Variants in EFCAB5 observed in about 807,000 individuals in gnomAD.
EFCAB5 encodes EF-hand calcium binding domain 5.
In EFCAB5, 131 loss-of-function variants were observed where a neutral mutation model predicts 167.9. The ratio of observed to expected loss-of-function variants is 0.78; its 90% confidence interval spans 0.68 to 0.90. The LOEUF is 0.90. Ranked by LOEUF, EFCAB5 falls within the 40% of genes least tolerant of loss-of-function variation. The pLI, the probability that EFCAB5 is intolerant of heterozygous loss-of-function variation, is 0.00. For synonymous variants in EFCAB5, 574 were observed against 602.8 expected (o/e 0.95, Z 0.70); for missense variants, 1,663 against 1,745.2 (o/e 0.95, Z 0.84).
rs1567776941 is a variant in EFCAB5 at position 30,096,679 on chromosome 17, T to TATA, written c.4321+3743_4321+3744insATA. On this transcript the variant is annotated intron_variant, in intron 22 of 22. Transcript: ENST00000394835. ...TATATATATATATATATATATATAT[T>TATA]TTTTTTTTTTTTTTTTTTGAGATGG... is the stretch of plus-strand genomic sequence containing the variant. 2.1e-4 allele frequency among the ~76,000 whole-genome samples: 13 copies of TATA among 63,174 alleles called. No individual in the cohort carries two copies. The East Asian group carries it at 5.7e-3, about 28-fold the overall frequency. The allele number at this position is 63,174 out of a possible 152,430, so 41.4% of individuals were successfully genotyped here.
chr17:30,064,275 A>G (rs9891402), intron 14 of EFCAB5, among the ~76,000 whole-genome samples: 13,802 of 152,268 alleles, frequency 0.091, 1,393 homozygotes, highest in African/African-American at 0.25. Flanking sequence ...AAATCAGGAA[A>G]ACAAGTCCTC....
intron 10 of EFCAB5, among the ~76,000 whole-genome samples, chr17:30,055,289 C>T: frequency 7.2e-6 from 1 of 138,848 alleles, no homozygotes; most frequent in East Asian, 2.1e-4. Flanking sequence ...AAAGTGAGAC[C>T]CTATCAAGAA....
intron 3 of EFCAB5, among the ~76,000 whole-genome samples, chr17:29,962,384 A>C (rs918116935): frequency 6.6e-6 from 1 of 152,108 alleles, no homozygotes; most frequent in Non-Finnish European, 1.5e-5. Flanking sequence ...TTTTTAGCAT[A>C]TATCTTTCAC....
chr17:29,940,885 C>G (rs960642348), upstream of EFCAB5, among the ~76,000 whole-genome samples: 2 of 151,784 alleles, frequency 1.3e-5, no homozygotes, highest in Non-Finnish European at 2.9e-5. Flanking sequence ...ACTAAATGTA[C>G]AAAAATTAGC....
intron 7 of EFCAB5, 46 bp from the exon 8 acceptor site, chr17:30,034,184 G>A (rs1429618274): frequency 1.9e-6 from 3 of 1,588,766 alleles, no homozygotes; most frequent in African/African-American, 2.7e-5. Flanking sequence ...TCCAAGTAGA[G>A]CATGGTTTTA....
Position 29,973,658 on chromosome 17 carries a change from C to T in EFCAB5, c.767+4291C>T, listed in dbSNP as rs532025415. 6.6e-5 allele frequency among the ~76,000 whole-genome samples: 10 copies of T among 150,976 alleles called. No homozygotes were observed. In the East Asian group the frequency reaches 1.2e-3, roughly 18 times the overall value. ...ACACCCTGCTAATTTTTGTATTTTT[C>T]GTAGAGACAGGGTTTCACCATATTG... On this transcript the variant is annotated intron_variant, in intron 4 of 22. Coordinates refer to ENST00000394835, the MANE Select transcript of EFCAB5 (RefSeq NM_198529.4).
chr17:29,961,294 T>A (rs2067715005), intron 3 of EFCAB5, among the ~76,000 whole-genome samples: 1 of 152,190 alleles, frequency 6.6e-6, no homozygotes, highest in African/African-American at 2.4e-5. Flanking sequence ...CTTTGCCCAT[T>A]TTTGAATTAG....
At chr17:29,946,439 T>C (rs1366305357) in intron 3 of EFCAB5, among the ~76,000 whole-genome samples, 5 of 136,712 alleles carry the variant, frequency 3.7e-5, no homozygotes, top group Non-Finnish European at 6.3e-5. Flanking sequence ...CTTTTTTTTT[T>C]TTTTTTTTTT....
At chr17:30,063,722 A>T (rs550567406) in intron 14 of EFCAB5, among the ~76,000 whole-genome samples, 1 of 152,296 alleles carries the variant, frequency 6.6e-6, no homozygotes, top group African/African-American at 2.4e-5. Flanking sequence ...AGCTGCTTAT[A>T]GGCCATGTCA....
At chr17:30,090,209 C>A (rs2071167487) in intron 19 of EFCAB5, among the ~76,000 whole-genome samples, 1 of 152,190 alleles carries the variant, frequency 6.6e-6, no homozygotes, top group African/African-American at 2.4e-5. Flanking sequence ...GACGCCTTCT[C>A]TGCCGAGGGG....
chr17:29,959,773 A>C (rs927960378), intron 3 of EFCAB5, among the ~76,000 whole-genome samples: 4 of 152,082 alleles, frequency 2.6e-5, no homozygotes, highest in Non-Finnish European at 5.9e-5. Flanking sequence ...TGCCGAAGCT[A>C]CGAGCTGCAC....
intron 4 of EFCAB5, among the ~76,000 whole-genome samples, chr17:29,987,565 A>C (rs1331663854): frequency 6.6e-6 from 1 of 152,228 alleles, no homozygotes; most frequent in African/African-American, 2.4e-5. Context: ...GCAGGCTAAA[A>C]AAATTTACAG....
intron 9 of EFCAB5, among the ~76,000 whole-genome samples, chr17:30,052,565 T>C (rs770834885): frequency 6.6e-6 from 1 of 152,216 alleles, no homozygotes; most frequent in East Asian, 1.9e-4. Context: ...ATTGTGAGAA[T>C]TGCAATTTTA....
At position 29,943,602 on chromosome 17, in the gene EFCAB5, A is replaced by G. The variant is rs2151517133; in HGVS notation, c.143A>G (p.Asp48Gly). 3 of 1,586,734 alleles carry G rather than the reference A, an allele frequency of 1.9e-6. No individual in the cohort carries two copies. Among genetic ancestry groups the G allele is most frequent in the Non-Finnish European group, 2.6e-6 (3 of 1,165,932 alleles). ...GTGCCAGACGTTCCTGTAAAAGAGG[A>G]CACCAACAGTGTGGTGGAGAAAGCA... is the stretch of plus-strand genomic sequence containing the variant. ...QSVPDVPVKE[D>G]TNSVVEKAMD... The change falls in exon 3 of 23, where the codon GAC becomes GGC. Residue 48 changes from aspartate (D) to glycine (G), a missense_variant. By Grantham distance (94) the Asp-to-Gly change is moderately conservative. Coordinates refer to ENST00000394835, the MANE Select transcript of EFCAB5 (RefSeq NM_198529.4).
intron 5 of EFCAB5, 72 bp downstream of exon 5, chr17:29,993,393 G>C (rs2068466817): frequency 6.9e-7 from 1 of 1,452,576 alleles, no homozygotes; most frequent in Non-Finnish European, 9.2e-7. Context: ...AGAATACTGA[G>C]TAGCATACTA....
intron 8 of EFCAB5, among the ~76,000 whole-genome samples, chr17:30,039,890 A>G (rs911363924): frequency 6.6e-6 from 1 of 152,210 alleles, no homozygotes; most frequent in Non-Finnish European, 1.5e-5. Flanking sequence ...AAATCTATGA[A>G]ATCAAGCCAC....
At chr17:29,937,428 C>A (rs1342278820), upstream of EFCAB5, among the ~76,000 whole-genome samples, 3 of 152,088 alleles carry the variant, frequency 2.0e-5, no homozygotes, top group African/African-American at 7.2e-5. Context: ...CTCAGGTGAT[C>A]CACCCGCCTC....
chr17:30,094,599 T>G (rs1331359542), intron 22 of EFCAB5, among the ~76,000 whole-genome samples: 1 of 151,726 alleles, frequency 6.6e-6, no homozygotes, highest in East Asian at 1.9e-4. Flanking sequence ...GGGAGATCAC[T>G]TGAGCCCAGG....
In EFCAB5 at chr17:30,025,096, G is replaced by C. The variant is rs559397171; in HGVS notation, c.1045-9134G>C. Among the ~76,000 whole-genome samples the C allele has an allele frequency of 2.6e-5, 4 of 152,106 alleles. 1 individual carries two copies. The South Asian group carries it at 8.3e-4, about 32-fold the overall frequency. ...CATAAAAACCCTAGAAGAAAACCTA[G>C]GCATGACCATTCAGGACATAGGCAT... On this transcript the variant is annotated intron_variant, in intron 7 of 22. Transcript: ENST00000394835.
Sources: gnomAD v4.1 joint callset for allele counts (sites outside exome capture counted in the v4.1 genomes callset) on GRCh38, gnomAD v4.1.1 for gene constraint, MANE v1.5 for transcripts, NCBI Gene and HGNC (gene_info 2026-07-23, HGNC 2026-07-21) for gene names.